DPY30: variants seen among roughly 807,000 people sequenced by gnomAD.
The protein encoded by DPY30 is protein dpy-30 homolog.
A neutral mutation model predicts 16.2 loss-of-function variants in DPY30; 6 were observed. The observed-to-expected ratio is 0.37, with a 90% confidence interval of 0.20 to 0.73. DPY30 has a LOEUF of 0.73. DPY30 is among the 30% of genes least tolerant of loss of function. The pLI, the probability that DPY30 is intolerant of heterozygous loss-of-function variation, is 0.51. For missense variants in DPY30, 73 were observed against 113.1 expected, an observed-to-expected ratio of 0.65 and a Z score of 1.61; for synonymous variants, 39 against 38.8, an observed-to-expected ratio of 1.00 and a Z score of -0.02.
At chr2:32,033,997 T>C (rs1179415266) in intron 3 of DPY30, among the ~76,000 whole-genome samples, 1 of 151,790 alleles carries the variant, frequency 6.6e-6, no homozygotes, top group Non-Finnish European at 1.5e-5. Flanking sequence ...GAGAGAGAAC[T>C]TGAACAGAGC....
chr2:32,037,709 C>T (rs1434729623), intron 3 of DPY30, among the ~76,000 whole-genome samples: 2 of 151,900 alleles, frequency 1.3e-5, no homozygotes, highest in African/African-American at 2.4e-5. Context: ...AGGCACTTGC[C>T]ACCACGCCTG....
intron 3 of DPY30, among the ~76,000 whole-genome samples, chr2:32,038,805 G>A (rs1389786512): frequency 2.0e-5 from 3 of 151,830 alleles, no homozygotes; most frequent in Admixed American, 6.6e-5. Context: ...CCACCATCAT[G>A]CCCGGCTAAT....
In DPY30 at chr2:32,024,072, T is replaced by A; in HGVS notation, c.*112A>T. The A allele has an allele frequency of 6.6e-7, 1 of 1,514,530 alleles. No homozygotes were observed. The highest frequency in any genetic ancestry group is 8.8e-7 in the Non-Finnish European group (1 of 1,137,966). The allele number at this position is 1,514,530 out of a possible 1,614,324, so 93.8% of individuals were successfully genotyped here. On this transcript the variant is annotated 3_prime_UTR_variant, in exon 5 of 5. Transcript: ENST00000342166. ...GCAATTCCAGAAATAGGTTCTGTTGTCCGGAAGGTTCTTATACATCCAAAA... is the reference window on the plus strand; with the variant it reads ...GCAATTCCAGAAATAGGTTCTGTTGACCGGAAGGTTCTTATACATCCAAAA...
At chr2:32,028,175 A>T in intron 4 of DPY30, among the ~76,000 whole-genome samples, 1 of 147,252 alleles carries the variant, frequency 6.8e-6, no homozygotes, top group African/African-American at 2.5e-5. Flanking sequence ...CAGTGGTGCG[A>T]TCACAGCTCA....
intron 5 of DPY30, among the ~76,000 whole-genome samples, chr2:32,013,641 A>G (rs1032035062): frequency 2.0e-5 from 3 of 152,206 alleles, no homozygotes. Flanking sequence ...GACACTGCAT[A>G]AGCATTATTC....
At chr2:32,017,449 T>C (rs1046839288) in intron 5 of DPY30, among the ~76,000 whole-genome samples, 6 of 151,712 alleles carry the variant, frequency 4.0e-5, no homozygotes, top group African/African-American at 1.5e-4. Flanking sequence ...AAACCCAGTC[T>C]TTACTAAAAA....
intron 3 of DPY30, among the ~76,000 whole-genome samples, chr2:32,034,331 A>G (rs1014221397): frequency 4.6e-5 from 7 of 152,332 alleles, no homozygotes; most frequent in African/African-American, 1.4e-4. Context: ...TGGCGCCAGC[A>G]TCTGCTTCTT....
At chr2:32,023,170 T>C (rs1170798575), downstream of DPY30, among the ~76,000 whole-genome samples, 1 of 151,458 alleles carries the variant, frequency 6.6e-6, no homozygotes, top group African/African-American at 2.4e-5. Context: ...CATCAACAAA[T>C]GTTCTCTGGG....
intron 1 of DPY30, 115 bp downstream of exon 1, chr2:32,039,618 T>A: frequency 2.4e-6 from 2 of 844,962 alleles, no homozygotes; most frequent in African/African-American, 1.7e-5. Context: ...CCACGAGCAG[T>A]AGAGCAGCAG....
At chr2:32,018,570 A>G (rs1335290189) in intron 5 of DPY30, among the ~76,000 whole-genome samples, 1 of 152,200 alleles carries the variant, frequency 6.6e-6, no homozygotes, top group African/African-American at 2.4e-5. Flanking sequence ...TGCTTAAAAT[A>G]TAAAAAATTA....
chr2:32,034,997 A>G lies in DPY30; in HGVS notation c.84+4282T>C, dbSNP rs182541909. On this transcript the variant is annotated intron_variant, in intron 3 of 4. Transcript: ENST00000342166. The stretch of plus-strand genomic sequence containing the variant: ...GCGACAAGAGCAAAACTCCATCTCA[A>G]AAAAGAAAAATAAAAAAAGGTAAAT... Among the ~76,000 whole-genome samples, 662 of 152,008 alleles carry G rather than the reference A, an allele frequency of 4.4e-3. 5 individuals carry two copies. The highest frequency in any genetic ancestry group is 6.3e-3 in the Admixed American group (96 of 15,244).
chr2:32,029,525 T>C lies in DPY30; in HGVS notation c.227+69A>G, dbSNP rs1017236280. The C allele has an allele frequency of 5.1e-6, 8 of 1,573,670 alleles. No homozygotes were observed. The African/African-American group carries it at 9.5e-5, about 19-fold the overall frequency. On this transcript the variant is annotated intron_variant, in intron 4 of 4. Coordinates refer to ENST00000342166, the MANE Select transcript of DPY30 (RefSeq NM_001321209.2). ...AGTAAAAAGTCGCTATACATAACTA[T>C]GATATTTCAGATAGGGGAATCTATT...
chr2:32,019,835 AAT>A (rs901989516), downstream of DPY30, among the ~76,000 whole-genome samples: 415 of 122,952 alleles, frequency 3.4e-3, 4 homozygotes, highest in African/African-American at 7.3e-3. Flanking sequence ...AAAAAAAAAA[AAT>A]ATATATATAT....
chr2:32,035,476 G>C (rs986711238), intron 3 of DPY30, among the ~76,000 whole-genome samples: 14 of 151,392 alleles, frequency 9.2e-5, no homozygotes, highest in African/African-American at 3.4e-4. Context: ...GTGGCTCCCA[G>C]CTACTTGGGA....
chr2:32,026,299 A>T (rs542286156), intron 4 of DPY30, among the ~76,000 whole-genome samples: 3 of 152,066 alleles, frequency 2.0e-5, no homozygotes, highest in Non-Finnish European at 4.4e-5. Context: ...AGTCCCACCT[A>T]CTCAGAAGGC....
chr2:32,028,413 T>A (rs540771638), intron 4 of DPY30, among the ~76,000 whole-genome samples: 2 of 152,294 alleles, frequency 1.3e-5, no homozygotes, highest in Non-Finnish European at 2.9e-5. Flanking sequence ...GCAAAACCAA[T>A]TTTCTTATTA....
At chr2:32,018,807 C>T (rs1243725736) in intron 5 of DPY30, among the ~76,000 whole-genome samples, 1 of 151,926 alleles carries the variant, frequency 6.6e-6, no homozygotes, top group African/African-American at 2.4e-5. Context: ...TTGCTTGAGC[C>T]CAGGAGTTCA....
intron 5 of DPY30, among the ~76,000 whole-genome samples, chr2:32,017,309 T>G (rs540455932): frequency 1.3e-5 from 2 of 152,164 alleles, no homozygotes; most frequent in Non-Finnish European, 2.9e-5. Context: ...CTAAAGCTAC[T>G]GGGCTCCACT....
At chr2:32,020,386 C>T (rs896409376), downstream of DPY30, among the ~76,000 whole-genome samples, 9 of 152,072 alleles carry the variant, frequency 5.9e-5, no homozygotes, top group East Asian at 3.9e-4. Context: ...CAGCAGTATA[C>T]CTATAGTCCT....
Sources: gnomAD v4.1 joint callset for allele counts (sites outside exome capture counted in the v4.1 genomes callset) on GRCh38, gnomAD v4.1.1 for gene constraint, MANE v1.5 for transcripts, NCBI Gene and HGNC (gene_info 2026-07-23, HGNC 2026-07-21) for gene names.